Variants in TMEM132D observed in about 807,000 individuals in gnomAD.
TMEM132D encodes transmembrane protein 132D.
In TMEM132D, 21 loss-of-function variants were observed where a neutral mutation model predicts 62.3. The observed-to-expected ratio is 0.34, with a 90% CI of 0.24 to 0.49. The LOEUF is 0.49. Among genes scored for constraint, TMEM132D ranks in the 20% least tolerant of loss-of-function variants. The pLI is 0.99. For synonymous variants in TMEM132D, 621 were observed against 575.6 expected, an observed-to-expected ratio of 1.08 and a Z score of -1.13; for missense variants, 1,346 against 1,402.8, an observed-to-expected ratio of 0.96 and a Z score of 0.65.
intron 1 of TMEM132D, among the ~76,000 whole-genome samples, chr12:129,739,810 A>G (rs1297230171): frequency 2.0e-5 from 3 of 152,128 alleles, no homozygotes; most frequent in Non-Finnish European, 2.9e-5. Context: ...CATCTAGCAA[A>G]ATGCAAGCAG....
chr12:129,407,906 GCT>G (rs1871844834), intron 3 of TMEM132D, among the ~76,000 whole-genome samples: 1 of 146,930 alleles, frequency 6.8e-6, no homozygotes, highest in Non-Finnish European at 1.5e-5. Context: ...AAAAAAAAAA[GCT>G]AATTTTAAGG....
intron 1 of TMEM132D, among the ~76,000 whole-genome samples, chr12:129,843,488 A>G (rs1371738935): frequency 6.6e-6 from 1 of 152,220 alleles, no homozygotes; most frequent in Admixed American, 6.5e-5. Context: ...GATTTATTGA[A>G]AACCACTACA....
chr12:129,403,418 G>T (rs1337752945), intron 3 of TMEM132D, among the ~76,000 whole-genome samples: 4 of 151,460 alleles, frequency 2.6e-5, no homozygotes, highest in Non-Finnish European at 5.9e-5. Context: ...CAGATGTTAG[G>T]GGTGACTGCA....
intron 1 of TMEM132D, among the ~76,000 whole-genome samples, chr12:129,765,316 C>G (rs1176763772): frequency 6.6e-6 from 1 of 152,070 alleles, no homozygotes; most frequent in Non-Finnish European, 1.5e-5. Flanking sequence ...CCTGTAATCC[C>G]AGAACTTTGA....
At chr12:129,543,407 T>C (rs1593059494) in intron 2 of TMEM132D, among the ~76,000 whole-genome samples, 3 of 151,828 alleles carry the variant, frequency 2.0e-5, no homozygotes, top group Admixed American at 6.6e-5. Flanking sequence ...GATGGATGGA[T>C]AGACAGATAG....
At chr12:129,821,169 G>A (rs1260331199) in intron 1 of TMEM132D, among the ~76,000 whole-genome samples, 3 of 152,118 alleles carry the variant, frequency 2.0e-5, no homozygotes, top group Admixed American at 6.6e-5. Context: ...AAGAAATAGG[G>A]GGTTCGAGAA....
chr12:129,803,212 C>G (rs1286657522), intron 1 of TMEM132D, among the ~76,000 whole-genome samples: 1 of 151,028 alleles, frequency 6.6e-6, no homozygotes, highest in Non-Finnish European at 1.5e-5. Context: ...ACAGAACTCT[C>G]CACCCCAAAT....
intron 4 of TMEM132D, among the ~76,000 whole-genome samples, chr12:129,226,741 A>G (rs761219759): frequency 1.3e-5 from 2 of 152,194 alleles, no homozygotes; most frequent in Non-Finnish European, 2.9e-5. Flanking sequence ...AAGTTTGAAC[A>G]AACACATTTG....
chr12:129,684,549 A>C (rs1487499628), intron 2 of TMEM132D, among the ~76,000 whole-genome samples: 4 of 152,208 alleles, frequency 2.6e-5, no homozygotes, highest in South Asian at 4.1e-4. Flanking sequence ...GGCACCACAG[A>C]GAGTGGGGTG....
chr12:129,546,315 C>G (rs1181691920), intron 2 of TMEM132D, among the ~76,000 whole-genome samples: 1 of 152,170 alleles, frequency 6.6e-6, no homozygotes, highest in Admixed American at 6.5e-5. Context: ...AACTTTGATT[C>G]ATTCCTGAAA....
At chr12:129,101,312 C>A (rs1875301413) in intron 5 of TMEM132D, among the ~76,000 whole-genome samples, 2 of 152,196 alleles carry the variant, frequency 1.3e-5, no homozygotes, top group Non-Finnish European at 1.5e-5. Context: ...AGTATAAACG[C>A]TCGTGATTTC....
chr12:129,534,446 T>A (rs1040011489), intron 2 of TMEM132D, among the ~76,000 whole-genome samples: 1 of 151,274 alleles, frequency 6.6e-6, no homozygotes, highest in African/African-American at 2.4e-5. Flanking sequence ...AATATATAAA[T>A]GCAATTTGTA....
chr12:129,321,303 G>A (rs948364587), intron 4 of TMEM132D, among the ~76,000 whole-genome samples: 7 of 152,138 alleles, frequency 4.6e-5, no homozygotes, highest in African/African-American at 1.7e-4. Flanking sequence ...TTAAGTAGAT[G>A]GGGTCATTGT....
intron 4 of TMEM132D, among the ~76,000 whole-genome samples, chr12:129,297,521 A>G (rs1272664750): frequency 6.6e-6 from 1 of 152,260 alleles, no homozygotes; most frequent in Non-Finnish European, 1.5e-5. Flanking sequence ...GCAGCAGGTC[A>G]ACGCCTCTGC....
intron 2 of TMEM132D, among the ~76,000 whole-genome samples, chr12:129,557,340 G>C (rs995968741): frequency 2.0e-5 from 3 of 152,150 alleles, no homozygotes; most frequent in African/African-American, 7.2e-5. Flanking sequence ...CAGTATAATG[G>C]TGACTGCCAG....
intron 4 of TMEM132D, among the ~76,000 whole-genome samples, chr12:129,256,214 G>A (rs185340304): frequency 1.3e-4 from 20 of 152,206 alleles, no homozygotes; most frequent in Admixed American, 7.2e-4. Context: ...TAGCACATAC[G>A]ATTATACTAT....
chr12:129,871,864 C>A (rs893458823), intron 1 of TMEM132D, among the ~76,000 whole-genome samples: 1 of 152,186 alleles, frequency 6.6e-6, no homozygotes, highest in African/African-American at 2.4e-5. Context: ...AAAAATCCCC[C>A]ATGGCCCTTC....
At chr12:129,653,416 C>A (rs1186514894) in intron 2 of TMEM132D, among the ~76,000 whole-genome samples, 1 of 152,178 alleles carries the variant, frequency 6.6e-6, no homozygotes, top group African/African-American at 2.4e-5. Context: ...GATATTTCTC[C>A]ATGGAAGAAG....
chr12:129,159,590 C>T (rs1877339416), intron 5 of TMEM132D, among the ~76,000 whole-genome samples: 1 of 151,898 alleles, frequency 6.6e-6, no homozygotes, highest in African/African-American at 2.4e-5. Context: ...AACCCTGTCT[C>T]TACTAAAAAA....
Sources: gnomAD v4.1 joint callset for allele counts (sites outside exome capture counted in the v4.1 genomes callset) on GRCh38, gnomAD v4.1.1 for gene constraint, MANE v1.5 for transcripts, NCBI Gene and HGNC (gene_info 2026-07-23, HGNC 2026-07-21) for gene names.